MGA: variants seen among roughly 807,000 people sequenced by gnomAD.
MGA encodes the protein MAX dimerization protein MGA, also known as MAX gene-associated protein.
Under a neutral mutation model 261.1 loss-of-function variants are expected in MGA, and 40 were observed. That is an observed-to-expected ratio of 0.15 (90% confidence interval 0.12 to 0.20). The LOEUF (loss-of-function observed/expected upper bound fraction) is 0.20. MGA is among the 10% of genes least tolerant of loss of function. The pLI, the probability that MGA is intolerant of heterozygous loss-of-function variation, is 1.00. For synonymous variants in MGA, 1,302 were observed against 1,290.6 expected (o/e 1.01, Z -0.19); for missense variants, 3,397 against 3,630.5 (o/e 0.94, Z 1.65).
rs74981504 is a variant in MGA, at chr15:41,706,422, T to C, written c.2189-1306T>C. On this transcript the variant is annotated intron_variant, in intron 5 of 23. Transcript: ENST00000219905. ...GCCACAGTGCCTGGCTTGCCATCTT[T>C]TGTTCAGATAGATTTTATGTATAGG... 4.9e-3 allele frequency among the ~76,000 whole-genome samples: 741 copies of C among 152,022 alleles called. 3 individuals carry two copies. The highest frequency in any genetic ancestry group is 0.017 in the African/African-American group (721 of 41,456).
intron 1 of MGA, among the ~76,000 whole-genome samples, chr15:41,638,974 G>A (rs2056768194): frequency 6.6e-6 from 1 of 152,054 alleles, no homozygotes; most frequent in South Asian, 2.1e-4. Flanking sequence ...GCCTCCCAAA[G>A]TGCTAGGATT....
Position 41,750,092 on chromosome 15 carries a change from A to T in MGA, c.6485A>T (p.Glu2162Val), listed in dbSNP as rs758362927. 1 of 1,613,222 alleles carries T rather than the reference A, an allele frequency of 6.2e-7. No homozygotes were observed. The highest frequency in any genetic ancestry group is 1.3e-5 in the African/African-American group (1 of 74,818). ...CTACAGCCAGAGGCCAAAGAGAAGG[A>T]ATGTGGAGACTCTCTGGAGAAAGAC... Residue 2162 changes from glutamate to valine, a missense_variant, in exon 17 of 24, where the codon GAA (glutamate) becomes GTA (valine). Glu to Val is a moderately radical substitution (Grantham distance 121, BLOSUM62 -2). Around this residue, in one of 9 missense-constraint regions of MGA, gnomAD observed 1,410 missense variants for 1,386.4 expected, o/e 1.02. Coordinates refer to ENST00000219905, the MANE Select transcript of MGA (RefSeq NM_001164273.2).
chr15:41,735,780 A>G lies in MGA; in HGVS notation c.3917-401A>G, dbSNP rs185803247. Among the ~76,000 whole-genome samples, 129 of 152,022 alleles carry G rather than the reference A, an allele frequency of 8.5e-4. 1 individual carries two copies. Among genetic ancestry groups the G allele is most frequent in the African/African-American group, 3.1e-3 (127 of 41,480 alleles). ...ACTATTTTTCTTGCTGTTCTTTTGG[A>G]TTGACTCTAATCTGTACATGTTTCA... On this transcript the variant is annotated intron_variant, in intron 12 of 23. Transcript: ENST00000219905.
At chr15:41,683,251 C>G (rs528260133) in intron 2 of MGA, among the ~76,000 whole-genome samples, 3 of 152,122 alleles carry the variant, frequency 2.0e-5, no homozygotes, top group East Asian at 3.9e-4. Context: ...CAGGGTTTTG[C>G]TTTGTTACCC....
At chr15:41,741,413 G>T (rs2062096627) in intron 14 of MGA, among the ~76,000 whole-genome samples, 1 of 150,310 alleles carries the variant, frequency 6.7e-6, no homozygotes, top group South Asian at 2.1e-4. Flanking sequence ...TTGTGATTAA[G>T]GGGAGTAAAA....
chr15:41,713,630 A>G (rs1320841451), intron 9 of MGA, 134 bp downstream of exon 9: 4 of 1,100,568 alleles, frequency 3.6e-6, no homozygotes, highest in East Asian at 5.2e-5. Context: ...TTATCCTTAC[A>G]TGCTCTTTCT....
intron 9 of MGA, among the ~76,000 whole-genome samples, chr15:41,721,169 AAAAT>A (rs2060918731): frequency 6.6e-6 from 1 of 152,162 alleles, no homozygotes; most frequent in African/African-American, 2.4e-5. Context: ...TGACAACTTT[AAAAT>A]AAGAAATTCA....
intron 1 of MGA, among the ~76,000 whole-genome samples, chr15:41,632,293 G>A (rs1010336306): frequency 1.3e-5 from 2 of 152,194 alleles, no homozygotes; most frequent in Non-Finnish European, 2.9e-5. Context: ...CCCAGAGAGT[G>A]TCTACTCTGT....
intron 2 of MGA, among the ~76,000 whole-genome samples, chr15:41,671,151 C>G (rs192875799): frequency 1.7e-3 from 252 of 152,274 alleles, no homozygotes; most frequent in African/African-American, 5.8e-3. Context: ...CATGAGTTGT[C>G]TATACAATCA....
chr15:41,758,601 G>C (rs2063277443), intron 19 of MGA, among the ~76,000 whole-genome samples: 1 of 152,032 alleles, frequency 6.6e-6, no homozygotes, highest in South Asian at 2.1e-4. Flanking sequence ...TTTCATAATA[G>C]CTTATTTACA....
chr15:41,752,549 G>GTTTTTTT (rs35282917), intron 17 of MGA, among the ~76,000 whole-genome samples: 1 of 102,144 alleles, frequency 9.8e-6, no homozygotes, highest in Non-Finnish European at 1.9e-5. Context: ...AACCTTTAAA[G>GTTTTTTT]TTTTTTTTTT....
chr15:41,743,155 C>A lies in MGA; in HGVS notation c.5195C>A (p.Pro1732Gln), dbSNP rs1378197199. 1 of 1,609,686 alleles carries A rather than the reference C, an allele frequency of 6.2e-7. No homozygotes were observed. Reference sequence around the variant, plus strand: ...CTCTCAGGAATTAATGGGAGTCCACCAGTGAGCCAGAGACCAGGTAAGGCC... The same window carrying A: ...CTCTCAGGAATTAATGGGAGTCCACAAGTGAGCCAGAGACCAGGTAAGGCC... Residue 1732 changes from proline (P) to glutamine (Q), a missense_variant, in exon 15 of 24, where the codon CCA (proline) becomes CAA (glutamine). By Grantham distance (76) the Pro-to-Gln change is moderately conservative. Around this residue, in one of 9 missense-constraint regions of MGA, gnomAD observed 1,410 missense variants for 1,386.4 expected, o/e 1.02. Coordinates refer to ENST00000219905, the MANE Select transcript of MGA (RefSeq NM_001164273.2).
intron 9 of MGA, among the ~76,000 whole-genome samples, chr15:41,724,379 T>C (rs994879690): frequency 1.3e-4 from 20 of 152,114 alleles, no homozygotes; most frequent in African/African-American, 3.9e-4. Flanking sequence ...TCATCTTACT[T>C]CCCCCCAAAA....
intron 2 of MGA, among the ~76,000 whole-genome samples, chr15:41,678,635 C>G (rs548757460): frequency 3.3e-5 from 5 of 151,450 alleles, no homozygotes; most frequent in Admixed American, 3.3e-4. Context: ...GGCATGGTGG[C>G]GCACACCTGT....
At chr15:41,667,420 A>G (rs947482228) in intron 1 of MGA, among the ~76,000 whole-genome samples, 2 of 151,768 alleles carry the variant, frequency 1.3e-5, no homozygotes, top group Admixed American at 6.6e-5. Flanking sequence ...TAATTTTTTT[A>G]TTTTTAGTAG....
chr15:41,638,838 G>A (rs556166490), intron 1 of MGA, among the ~76,000 whole-genome samples: 5 of 151,744 alleles, frequency 3.3e-5, no homozygotes, highest in South Asian at 2.1e-4. Context: ...CTACAGGCGC[G>A]TGCCACCATG....
chr15:41,656,560 A>G (rs2150766269), upstream of MGA, among the ~76,000 whole-genome samples: 1 of 151,446 alleles, frequency 6.6e-6, no homozygotes, highest in South Asian at 2.1e-4. Flanking sequence ...GGGTCTTGCC[A>G]TGTTGCCCAG....
intron 11 of MGA, among the ~76,000 whole-genome samples, chr15:41,732,470 G>A: frequency 6.6e-6 from 1 of 152,052 alleles, no homozygotes; most frequent in African/African-American, 2.4e-5. Context: ...TATATCTTGT[G>A]ACACCTGAAA....
intron 18 of MGA, among the ~76,000 whole-genome samples, chr15:41,757,538 A>G (rs1043499056): frequency 2.6e-5 from 4 of 152,346 alleles, no homozygotes; most frequent in African/African-American, 4.8e-5. Flanking sequence ...ATACTGAAGG[A>G]CAACTTTAAA....
Sources: gnomAD v4.1 joint callset for allele counts (sites outside exome capture counted in the v4.1 genomes callset) on GRCh38, gnomAD v4.1.1 for gene constraint, gnomAD v4.1.1 regional missense constraint, MANE v1.5 for transcripts, NCBI Gene and HGNC (gene_info 2026-07-23, HGNC 2026-07-21) for gene names.